Variants in C12orf56 observed in about 807,000 individuals in gnomAD.
The protein encoded by C12orf56 is chromosome 12 open reading frame 56.
Under a neutral mutation model 69.9 loss-of-function variants are expected in C12orf56, and 71 were observed. That is an observed-to-expected ratio of 1.02 (90% CI 0.84 to 1.24). C12orf56 has a LOEUF of 1.24. Ranked by LOEUF, C12orf56 falls within the 50% of genes most tolerant of loss-of-function variation. C12orf56 has a pLI of 0.00. For missense variants in C12orf56, 732 were observed against 738.5 expected, an observed-to-expected ratio of 0.99 and a Z score of 0.10; for synonymous variants, 276 against 274.1, an observed-to-expected ratio of 1.01 and a Z score of -0.07.
chr12:64,386,647 C>T (rs1010230249), intron 1 of C12orf56, among the ~76,000 whole-genome samples: 1 of 151,784 alleles, frequency 6.6e-6, no homozygotes, highest in Admixed American at 6.6e-5. Flanking sequence ...CCGCCCATCT[C>T]GGCTTCCCAA....
intron 6 of C12orf56, among the ~76,000 whole-genome samples, chr12:64,298,345 A>G (rs2038397582): frequency 6.6e-6 from 1 of 152,096 alleles, no homozygotes; most frequent in African/African-American, 2.4e-5. Context: ...GTTCACTCTG[A>G]TGATAGTTTC....
chr12:64,356,735 G>A (rs968220276), intron 1 of C12orf56, among the ~76,000 whole-genome samples: 11 of 152,156 alleles, frequency 7.2e-5, no homozygotes, highest in Non-Finnish European at 1.5e-4. Context: ...ACTGAAACTA[G>A]AGGCAAGGGG....
At chr12:64,354,071 A>G (rs2039272215) in intron 1 of C12orf56, among the ~76,000 whole-genome samples, 1 of 152,218 alleles carries the variant, frequency 6.6e-6, no homozygotes, top group Non-Finnish European at 1.5e-5. Context: ...GCAGGAGACA[A>G]TGTCCATTTA....
chr12:64,318,521 T>G, intron 4 of C12orf56, 54 bp downstream of exon 4: 1 of 1,413,152 alleles, frequency 7.1e-7, no homozygotes, highest in Non-Finnish European at 9.3e-7. Flanking sequence ...TTGTTTGCTC[T>G]AAAAAATAAA....
intron 1 of C12orf56, among the ~76,000 whole-genome samples, chr12:64,383,592 G>T (rs924046360): frequency 1.3e-5 from 2 of 151,930 alleles, no homozygotes; most frequent in African/African-American, 4.8e-5. Context: ...GGCCAGGCTG[G>T]TCTTAAACTC....
intron 7 of C12orf56, 80 bp from the exon 8 acceptor site, chr12:64,284,833 G>A: frequency 2.0e-6 from 2 of 1,012,572 alleles, no homozygotes; most frequent in Non-Finnish European, 2.9e-6. Context: ...AGTAATTTTT[G>A]CTAAAACTGC....
intron 1 of C12orf56, among the ~76,000 whole-genome samples, chr12:64,362,180 G>C (rs371379335): frequency 7.4e-4 from 112 of 152,214 alleles, no homozygotes; most frequent in African/African-American, 2.6e-3. Context: ...CTTAGAAACT[G>C]GGGCTGGGGA....
intron 1 of C12orf56, among the ~76,000 whole-genome samples, chr12:64,360,994 C>T (rs1248943699): frequency 1.3e-5 from 2 of 152,000 alleles, no homozygotes; most frequent in Admixed American, 6.6e-5. Context: ...CCGAGATGGG[C>T]GTATCACTTG....
chr12:64,340,164 G>A (rs2039056648), intron 2 of C12orf56, among the ~76,000 whole-genome samples: 1 of 152,106 alleles, frequency 6.6e-6, no homozygotes, highest in Non-Finnish European at 1.5e-5. Context: ...GAAGCATCCA[G>A]CACAGGAGAA....
chr12:64,265,564 C>T lies in C12orf56; in HGVS notation c.*1619G>A, dbSNP rs1179359090. On this transcript the variant is annotated 3_prime_UTR_variant, in exon 13 of 13. Coordinates refer to ENST00000543942, the MANE Select transcript of C12orf56 (RefSeq NM_001170633.2). ...ACCCTTCCACCTAGCAGAGGAAGCC[C>T]AGGAAGAAACAGATGTGGCCTGGAA... 6.6e-6 allele frequency: 1 copy of T among 152,164 alleles called. No homozygotes were observed. Among genetic ancestry groups the T allele is most frequent in the East Asian group, 1.9e-4 (1 of 5,196 alleles). 9.4% of individuals were successfully genotyped at this position (152,164 alleles called of 1,614,324 possible).
chr12:64,335,933 T>C (rs1042236343), intron 2 of C12orf56, among the ~76,000 whole-genome samples: 7 of 152,174 alleles, frequency 4.6e-5, no homozygotes, highest in African/African-American at 1.7e-4. Context: ...TTTATTTAAG[T>C]GCTCAGCAGT....
intron 2 of C12orf56, among the ~76,000 whole-genome samples, chr12:64,347,735 G>A (rs567104264): frequency 3.7e-4 from 57 of 152,302 alleles, no homozygotes; most frequent in African/African-American, 1.3e-3. Flanking sequence ...GATCAAATAC[G>A]TTTTAAAGGG....
At chr12:64,275,633 A>G (rs1384013060) in intron 9 of C12orf56, among the ~76,000 whole-genome samples, 2 of 151,868 alleles carry the variant, frequency 1.3e-5, no homozygotes, top group African/African-American at 4.8e-5. Flanking sequence ...GGCTAATCTT[A>G]TTTTTTTAAT....
At chr12:64,304,803 C>T (rs1592435807) in intron 5 of C12orf56, among the ~76,000 whole-genome samples, 2 of 152,166 alleles carry the variant, frequency 1.3e-5, no homozygotes, top group Non-Finnish European at 2.9e-5. Context: ...GAATTACTAA[C>T]GCATTTTACA....
At chr12:64,273,768 G>A (rs551025472) in intron 11 of C12orf56, among the ~76,000 whole-genome samples, 11 of 152,344 alleles carry the variant, frequency 7.2e-5, no homozygotes, top group African/African-American at 2.6e-4. Flanking sequence ...AAAAGAGAAT[G>A]CCAGGTGGCA....
intron 2 of C12orf56, among the ~76,000 whole-genome samples, 158 bp downstream of exon 2, chr12:64,352,736 C>T (rs2039246809): frequency 6.6e-6 from 1 of 152,160 alleles, no homozygotes; most frequent in Non-Finnish European, 1.5e-5. Flanking sequence ...CTGTCCGCAT[C>T]TTTCAATGTG....
intron 1 of C12orf56, among the ~76,000 whole-genome samples, chr12:64,368,504 A>G (rs2039528031): frequency 6.6e-6 from 1 of 152,134 alleles, no homozygotes; most frequent in Admixed American, 6.6e-5. Flanking sequence ...CTAAAAAATG[A>G]ATTTAACACA....
intron 2 of C12orf56, among the ~76,000 whole-genome samples, chr12:64,334,332 T>C (rs1213965371): frequency 1.3e-5 from 2 of 152,170 alleles, no homozygotes; most frequent in Non-Finnish European, 2.9e-5. Context: ...AGGTTTTACA[T>C]TTATTTTTAA....
chr12:64,368,753 A>G (rs1184238582), intron 1 of C12orf56, among the ~76,000 whole-genome samples: 1 of 152,194 alleles, frequency 6.6e-6, no homozygotes, highest in African/African-American at 2.4e-5. Flanking sequence ...TGGTGGGGAA[A>G]ACTATAAACT....
Sources: gnomAD v4.1 joint callset for allele counts (sites outside exome capture counted in the v4.1 genomes callset) on GRCh38, gnomAD v4.1.1 for gene constraint, MANE v1.5 for transcripts, NCBI Gene and HGNC (gene_info 2026-07-23, HGNC 2026-07-21) for gene names.